Variants in CTIF observed in about 807,000 individuals in gnomAD.
CTIF encodes the protein cap binding complex dependent translation initiation factor, also known as CBP80/20-dependent translation initiation factor.
A neutral mutation model predicts 66.0 loss-of-function variants in CTIF; 21 were observed. That is an observed-to-expected ratio of 0.32 (90% confidence interval 0.23 to 0.46). CTIF has a LOEUF of 0.46. Ranked by LOEUF, CTIF falls within the 20% of genes least tolerant of loss-of-function variation. The pLI is 1.00. For synonymous variants in CTIF, 345 were observed against 326.4 expected (o/e 1.06, Z -0.62); for missense variants, 739 against 812.7 (o/e 0.91, Z 1.10).
At chr18:48,847,032 G>A (rs1034161510) in intron 10 of CTIF, among the ~76,000 whole-genome samples, 2 of 152,028 alleles carry the variant, frequency 1.3e-5, no homozygotes, top group Admixed American at 6.5e-5. Context: ...AGCTCCAGCC[G>A]GACATGGTGG....
chr18:48,767,596 A>G (rs774684516), intron 9 of CTIF, among the ~76,000 whole-genome samples: 1 of 152,176 alleles, frequency 6.6e-6, no homozygotes, highest in Non-Finnish European at 1.5e-5. Context: ...ATCTAACAGA[A>G]GGATGCGATA....
At chr18:48,571,162 G>A (rs993835051) in intron 1 of CTIF, among the ~76,000 whole-genome samples, 4 of 151,640 alleles carry the variant, frequency 2.6e-5, no homozygotes, top group Non-Finnish European at 5.9e-5. Flanking sequence ...AACAGTTTGG[G>A]TTTGTTTTTG....
intron 1 of CTIF, among the ~76,000 whole-genome samples, chr18:48,583,680 G>A (rs752972156): frequency 6.6e-6 from 1 of 152,178 alleles, no homozygotes; most frequent in African/African-American, 2.4e-5. Flanking sequence ...AGGGAGGGAG[G>A]ATCGATTCCA....
intron 10 of CTIF, 66 bp downstream of exon 10, chr18:48,817,442 A>G: frequency 6.5e-7 from 1 of 1,537,302 alleles, no homozygotes; most frequent in South Asian, 1.2e-5. Context: ...TGCGTCTCAG[A>G]TAACTGGGAC....
At chr18:48,629,938 T>A (rs1405635199) in intron 2 of CTIF, among the ~76,000 whole-genome samples, 1 of 152,228 alleles carries the variant, frequency 6.6e-6, no homozygotes. Context: ...TGGTGATTAA[T>A]TCTTTGCTAC....
intron 8 of CTIF, chr18:48,760,066 G>A (rs1249941326): frequency 6.6e-6 from 1 of 152,170 alleles, no homozygotes. Context: ...CTCTTGGGGT[G>A]GGGATTTGTG....
chr18:48,678,040 C>T (rs888911212), intron 6 of CTIF, among the ~76,000 whole-genome samples: 7 of 152,192 alleles, frequency 4.6e-5, no homozygotes, highest in Non-Finnish European at 8.8e-5. Context: ...GGATTGGAAT[C>T]CAGGCAGCCT....
chr18:48,767,490 T>C (rs1407654382), intron 9 of CTIF, among the ~76,000 whole-genome samples: 1 of 152,196 alleles, frequency 6.6e-6, no homozygotes, highest in African/African-American at 2.4e-5. Flanking sequence ...AAGAGGTGTC[T>C]GCATCCGAGC....
chr18:48,646,315 C>CAAAA (rs1040659580), intron 3 of CTIF, among the ~76,000 whole-genome samples: 1 of 152,018 alleles, frequency 6.6e-6, no homozygotes, highest in Non-Finnish European at 1.5e-5. Flanking sequence ...GATAAGCACA[C>CAAAA]AAAAAATATG....
intron 3 of CTIF, among the ~76,000 whole-genome samples, chr18:48,637,786 C>A (rs902158926): frequency 7.2e-5 from 11 of 152,014 alleles, no homozygotes; most frequent in African/African-American, 2.4e-4. Flanking sequence ...AAGAAGGAGG[C>A]CATAATAAGA....
At chr18:48,726,255 GATA>G (rs1386413410) in intron 7 of CTIF, among the ~76,000 whole-genome samples, 2 of 152,200 alleles carry the variant, frequency 1.3e-5, no homozygotes, top group Admixed American at 1.3e-4. Context: ...CATTTCCAAT[GATA>G]ATTTGCTGGA....
chr18:48,728,920 A>G (rs2092411703), intron 7 of CTIF, among the ~76,000 whole-genome samples: 1 of 152,158 alleles, frequency 6.6e-6, no homozygotes, highest in African/African-American at 2.4e-5. Context: ...ACTGGGAGCC[A>G]CCTTTATCTG....
intron 9 of CTIF, among the ~76,000 whole-genome samples, chr18:48,764,257 A>T (rs1393407559): frequency 6.6e-6 from 1 of 152,188 alleles, no homozygotes; most frequent in African/African-American, 2.4e-5. Flanking sequence ...GAGTATTTCT[A>T]GTGTGCCAGG....
intron 9 of CTIF, among the ~76,000 whole-genome samples, chr18:48,789,613 A>T (rs761434947): frequency 2.0e-5 from 3 of 152,300 alleles, no homozygotes; most frequent in Non-Finnish European, 4.4e-5. Context: ...AATACTCAGT[A>T]TTGGTATGAT....
chr18:48,733,931 G>A (rs540751239), intron 7 of CTIF, among the ~76,000 whole-genome samples: 55 of 152,376 alleles, frequency 3.6e-4, no homozygotes, highest in Middle Eastern at 3.4e-3. Context: ...AATGCTCGGA[G>A]CATTTCAGCA....
At chr18:48,700,281 G>A (rs1359596550) in intron 6 of CTIF, among the ~76,000 whole-genome samples, 1 of 152,168 alleles carries the variant, frequency 6.6e-6, no homozygotes, top group Non-Finnish European at 1.5e-5. Context: ...TAATTGTGAG[G>A]CCTCCCCAGC....
chr18:48,553,553 C>A (rs780942573), intron 1 of CTIF, among the ~76,000 whole-genome samples: 1 of 152,160 alleles, frequency 6.6e-6, no homozygotes, highest in South Asian at 2.1e-4. Flanking sequence ...TCCCACGAGG[C>A]GTTCGTGATT....
intron 9 of CTIF, among the ~76,000 whole-genome samples, chr18:48,804,912 T>C (rs1035261548): frequency 1.3e-5 from 2 of 152,132 alleles, no homozygotes; most frequent in African/African-American, 4.8e-5. Context: ...CTCATCCTCA[T>C]CCCCAGGGCC....
At chr18:48,811,756 C>T (rs1218066955) in intron 9 of CTIF, among the ~76,000 whole-genome samples, 1 of 152,128 alleles carries the variant, frequency 6.6e-6, no homozygotes, top group African/African-American at 2.4e-5. Context: ...GTTTTTAAGG[C>T]TGAATAGTAT....
Sources: allele counts gnomAD v4.1 joint callset (sites outside exome capture counted in the v4.1 genomes callset), GRCh38; gene constraint gnomAD v4.1.1; transcripts MANE v1.5; gene names NCBI Gene and HGNC (gene_info 2026-07-23, HGNC 2026-07-21).